Variants in SH3GL1 observed in about 807,000 individuals in gnomAD.
SH3GL1 encodes the protein endophilin-A2.
A neutral mutation model predicts 48.8 loss-of-function variants in SH3GL1; 21 were observed. That is an observed-to-expected ratio of 0.43 (90% CI 0.30 to 0.62). The LOEUF is 0.62. SH3GL1 is among the 20% of genes least tolerant of loss of function. The pLI is 0.11. For missense variants in SH3GL1, 454 were observed against 503.0 expected (o/e 0.90, Z 0.93); for synonymous variants, 282 against 217.5 (o/e 1.30, Z -2.61).
chr19:4,400,493 C>G lies in SH3GL1; in HGVS notation c.-125G>C. The G allele has an allele frequency of 3.7e-6, 3 of 813,856 alleles. No individual in the cohort carries two copies. Among genetic ancestry groups the G allele is most frequent in the Non-Finnish European group, 4.6e-6 (3 of 650,384 alleles). 50.4% of individuals were successfully genotyped at this position (813,856 alleles called of 1,614,324 possible). A position where few individuals can be genotyped will look rare whatever the true frequency, so the allele number is the denominator to read the frequency against. On this transcript the variant is annotated 5_prime_UTR_variant, in exon 1 of 10. Coordinates refer to ENST00000269886, the MANE Select transcript of SH3GL1 (RefSeq NM_003025.4). This position sits in a 1 kb window ranked among gnomAD's most constrained non-coding sequence, Gnocchi z 4.1. ...GCCTCCGCCACCCGCTTGCCAGCTCCGCGCCCGCCCCGGCGCCGCCTCAGC... is the reference window on the plus strand; with the variant it reads ...GCCTCCGCCACCCGCTTGCCAGCTCGGCGCCCGCCCCGGCGCCGCCTCAGC...
intron 1 of SH3GL1, among the ~76,000 whole-genome samples, chr19:4,391,738 G>A (rs774159842): frequency 3.9e-5 from 6 of 152,204 alleles, no homozygotes; most frequent in Non-Finnish European, 7.3e-5. Context: ...GGGAAAGGCA[G>A]TCTCAAACTT....
At chr19:4,378,640 G>A (rs956939690) in intron 1 of SH3GL1, among the ~76,000 whole-genome samples, 1 of 152,078 alleles carries the variant, frequency 6.6e-6, no homozygotes, top group Non-Finnish European at 1.5e-5. Context: ...GCTTGAACCC[G>A]GGAGGCGGAG....
intron 1 of SH3GL1, among the ~76,000 whole-genome samples, chr19:4,392,006 A>G (rs917899010): frequency 3.3e-5 from 5 of 152,234 alleles, no homozygotes; most frequent in African/African-American, 1.2e-4. Flanking sequence ...CACAAAGCAA[A>G]GTCCCTTCCT....
Position 4,363,771 on chromosome 19 carries a change from C to T in SH3GL1, c.573G>A (p.Glu191=), listed in dbSNP as rs142664987. The change falls in exon 6 of 10, where the codon GAG becomes GAA. Residue 191 remains glutamate (E), a synonymous_variant. Transcript: ENST00000269886. ...EELRQALEKF[E]ESKEVAETSM... is the part of the protein sequence containing the mutation. ...TGGTTTCTGCCACCTCCTTGGACTC[C>T]TCGAACTTCTCCAGCGCCTGGCGTA... The T allele has an allele frequency of 3.1e-6, 5 of 1,613,776 alleles. No individual in the cohort carries two copies. The African/African-American group carries it at 6.7e-5, about 22-fold the overall frequency.
At chr19:4,392,852 G>A (rs1204726891) in intron 1 of SH3GL1, among the ~76,000 whole-genome samples, 1 of 152,220 alleles carries the variant, frequency 6.6e-6, no homozygotes, top group Non-Finnish European at 1.5e-5. Context: ...TGGGGCAGGA[G>A]AATCGCTTGA....
At chr19:4,368,485 AG>A (rs1245121784) in intron 1 of SH3GL1, among the ~76,000 whole-genome samples, 1 of 152,210 alleles carries the variant, frequency 6.6e-6, no homozygotes, top group Admixed American at 6.5e-5. Context: ...TGCAAAAGGT[AG>A]CCTGCCCGGA....
intron 1 of SH3GL1, among the ~76,000 whole-genome samples, chr19:4,387,169 C>T (rs1332583285): frequency 7.2e-5 from 11 of 152,208 alleles, no homozygotes; most frequent in African/African-American, 2.2e-4. Flanking sequence ...ATCTCCTGAC[C>T]TCGTGATCTG....
At chr19:4,386,725 C>T (rs948614960) in intron 1 of SH3GL1, among the ~76,000 whole-genome samples, 13 of 152,006 alleles carry the variant, frequency 8.6e-5, no homozygotes, top group Admixed American at 4.6e-4. Flanking sequence ...CTGTTACCAA[C>T]CCATCAGCCC....
chr19:4,370,709 TG>T (rs200419353), intron 1 of SH3GL1, among the ~76,000 whole-genome samples: 2,064 of 152,354 alleles, frequency 0.014, 27 homozygotes, highest in Non-Finnish European at 0.022. Flanking sequence ...CTGCTTCAGA[TG>T]CCGGCTGGCC....
At chr19:4,362,858 T>C (rs1344933689) in intron 7 of SH3GL1, 122 bp from the exon 8 acceptor site, 5 of 1,479,178 alleles carry the variant, frequency 3.4e-6, no homozygotes, top group African/African-American at 1.4e-5. Flanking sequence ...GTCAGTGGGG[T>C]TGTGACACAT....
chr19:4,366,383 C>T, intron 3 of SH3GL1, 118 bp downstream of exon 3: 1 of 771,828 alleles, frequency 1.3e-6, no homozygotes, highest in Non-Finnish European at 2.2e-6. Flanking sequence ...ACTCCGGGAT[C>T]CAGCTGTGCC....
In SH3GL1 at chr19:4,399,636, G is replaced by T. The variant is rs937744872; in HGVS notation, c.45+688C>A. ...GTGCCCAGGACGGCCCCACCACGGA[G>T]AACAATCCAGCCCCAGATGTCAACA... On this transcript the variant is annotated intron_variant, in intron 1 of 9. Coordinates refer to ENST00000269886, the MANE Select transcript of SH3GL1 (RefSeq NM_003025.4). Among the ~76,000 whole-genome samples, 45 of 138,260 alleles carry T rather than the reference G, an allele frequency of 3.3e-4. 1 individual carries two copies. The highest frequency in any genetic ancestry group is 9.3e-5 in the Non-Finnish European group (6 of 64,460). 90.7% of individuals were successfully genotyped at this position (138,260 alleles called of 152,430 possible).
chr19:4,374,217 A>T (rs529830009), intron 1 of SH3GL1, among the ~76,000 whole-genome samples: 2 of 152,354 alleles, frequency 1.3e-5, no homozygotes, highest in South Asian at 4.1e-4. Flanking sequence ...AGAGGGAATC[A>T]GCCACTGGAA....
intron 1 of SH3GL1, among the ~76,000 whole-genome samples, chr19:4,385,034 C>A (rs911811773): frequency 1.4e-5 from 2 of 144,638 alleles, no homozygotes; most frequent in African/African-American, 5.2e-5. Flanking sequence ...AGCCTGGGAG[C>A]GGGAGGTTGC....
chr19:4,369,099 C>T (rs938319328), intron 1 of SH3GL1, among the ~76,000 whole-genome samples: 3 of 152,008 alleles, frequency 2.0e-5, no homozygotes, highest in African/African-American at 7.2e-5. Flanking sequence ...AAAAAAAAAT[C>T]ACCTCGTCAC....
intron 4 of SH3GL1, chr19:4,364,727 TTTTTG>T (rs376616802): frequency 0.015 from 2,165 of 145,600 alleles, 29 homozygotes; most frequent in East Asian, 0.022. Flanking sequence ...CCGCACCCGG[TTTTTG>T]TTTTGTTTTG....
chr19:4,368,341 G>A (rs1489093465), intron 1 of SH3GL1, among the ~76,000 whole-genome samples: 1 of 152,240 alleles, frequency 6.6e-6, no homozygotes, highest in Non-Finnish European at 1.5e-5. Context: ...TGACCCAAGA[G>A]CAGGAAGTGC....
chr19:4,383,632 A>G (rs1323839457), intron 1 of SH3GL1, among the ~76,000 whole-genome samples: 1 of 152,140 alleles, frequency 6.6e-6, no homozygotes, highest in Non-Finnish European at 1.5e-5. Context: ...GCTCTCACAC[A>G]TGGTTTCTCT....
At chr19:4,399,451 GGAAGGAAGGAAA>G (rs1599627647) in intron 1 of SH3GL1, among the ~76,000 whole-genome samples, 1 of 151,904 alleles carries the variant, frequency 6.6e-6, no homozygotes, top group South Asian at 2.1e-4. Flanking sequence ...GAGGGAGGGA[GGAAGGAAGGAAA>G]GAAGGAAGGA....
Sources: allele counts gnomAD v4.1 joint callset (sites outside exome capture counted in the v4.1 genomes callset), GRCh38; gene constraint gnomAD v4.1.1; non-coding constraint Gnocchi (gnomAD v3.1); transcripts MANE v1.5; gene names NCBI Gene and HGNC (gene_info 2026-07-23, HGNC 2026-07-21).